ZNF487: variants seen among roughly 807,000 people sequenced by gnomAD.
ZNF487 encodes the protein KRAB domain only 1.
In ZNF487, 4 loss-of-function variants were observed where a neutral mutation model predicts 3.0. That is an observed-to-expected ratio of 1.35 (90% CI 0.66 to 3.08). The LOEUF (loss-of-function observed/expected upper bound fraction) is 3.08, where lower values mean the gene tolerates loss of function less well. ZNF487 is among the 30% of genes most tolerant of loss of function. The probability of loss-of-function intolerance (pLI) is 0.01; values close to 1 mark genes in which losing one functional copy is unlikely to be tolerated. For missense variants in ZNF487, 146 were observed against 98.7 expected (o/e 1.48, Z -2.03); for synonymous variants, 55 against 34.6 (o/e 1.59, Z -2.06).
At chr10:43,446,285 G>A (rs1368462681) in intron 1 of ZNF487, among the ~76,000 whole-genome samples, 4 of 150,210 alleles carry the variant, frequency 2.7e-5, no homozygotes, top group African/African-American at 9.8e-5. Context: ...CTCCCAGACG[G>A]GGTGGCTGCT....
At chr10:43,457,286 G>A (rs904455773) in intron 1 of ZNF487, among the ~76,000 whole-genome samples, 10 of 151,400 alleles carry the variant, frequency 6.6e-5, no homozygotes, top group African/African-American at 2.2e-4. Context: ...ACCCTAGCGC[G>A]GTGGCTAACG....
intron 1 of ZNF487, among the ~76,000 whole-genome samples, chr10:43,440,054 A>ATAT (rs201307017): frequency 6.8e-6 from 1 of 147,638 alleles, no homozygotes; most frequent in Non-Finnish European, 1.5e-5. Flanking sequence ...ATATATATAT[A>ATAT]TTTTTTTTTT....
At chr10:43,476,231 A>G (rs760912377) in intron 3 of ZNF487, 29 bp downstream of exon 3, 1 of 706,094 alleles carries the variant, frequency 1.4e-6, no homozygotes, top group Non-Finnish European at 2.6e-6. Flanking sequence ...AGGAAGCTAT[A>G]ATCCCAGGGA....
At chr10:43,504,293 C>CTTTTTTTTTTTT in the ZNF487 span, among the ~76,000 whole-genome samples, 12 of 108,942 alleles carry the variant, frequency 1.1e-4, no homozygotes, top group Admixed American at 2.3e-4. Flanking sequence ...TTCTTTCTTT[C>CTTTTTTTTTTTT]TTTTTTTTTT....
At chr10:43,516,303 G>A in the ZNF487 span, among the ~76,000 whole-genome samples, 2 of 152,156 alleles carry the variant, frequency 1.3e-5, no homozygotes, top group Non-Finnish European at 2.9e-5. Flanking sequence ...ACTATTAGAA[G>A]TAGAGTCCTT....
At chr10:43,499,232 C>T in the ZNF487 span, among the ~76,000 whole-genome samples, 110,554 of 152,010 alleles carry the variant, frequency 0.73, 41,502 homozygotes, top group East Asian at 0.93. Context: ...TTGAATCAGA[C>T]CCAAAAAGGG....
At chr10:43,479,073 GTATGTATGTGTGTATATA>G in intron 3 of ZNF487, among the ~76,000 whole-genome samples, 1 of 141,066 alleles carries the variant, frequency 7.1e-6, no homozygotes, top group Non-Finnish European at 1.5e-5. Context: ...ATATATGTAT[GTATGTATGTGTGTATATA>G]TATATACACA....
At chr10:43,477,674 G>A (rs1213713796) in intron 3 of ZNF487, among the ~76,000 whole-genome samples, 1 of 151,562 alleles carries the variant, frequency 6.6e-6, no homozygotes, top group African/African-American at 2.4e-5. Context: ...AAATGAGGTC[G>A]GGCTTGGTGG....
At chr10:43,497,478 T>C in the ZNF487 span, among the ~76,000 whole-genome samples, 1 of 152,162 alleles carries the variant, frequency 6.6e-6, no homozygotes, top group Non-Finnish European at 1.5e-5. Context: ...ACATGCCAGC[T>C]GAGGGGTGGC....
At chr10:43,454,894 C>T (rs931705336) in intron 1 of ZNF487, among the ~76,000 whole-genome samples, 1 of 146,278 alleles carries the variant, frequency 6.8e-6, no homozygotes, top group Admixed American at 6.9e-5. Context: ...GCCGTGACTG[C>T]GCCACTACAC....
the ZNF487 span, among the ~76,000 whole-genome samples, chr10:43,516,012 C>A: frequency 6.6e-6 from 1 of 152,090 alleles, no homozygotes; most frequent in African/African-American, 2.4e-5. Context: ...GATCTCCTGA[C>A]CTCGTGATCC....
intron 1 of ZNF487, among the ~76,000 whole-genome samples, chr10:43,450,603 G>C (rs1474807668): frequency 1.3e-5 from 2 of 152,160 alleles, no homozygotes; most frequent in African/African-American, 4.8e-5. Context: ...GCCCGCCTCG[G>C]CCTCCCAAAG....
chr10:43,470,369 A>G (rs1008498677), intron 1 of ZNF487, among the ~76,000 whole-genome samples: 11 of 151,276 alleles, frequency 7.3e-5, no homozygotes, highest in African/African-American at 2.7e-4. Flanking sequence ...GCATGCCACT[A>G]TGCCCAGCTA....
chr10:43,521,040 A>G, the ZNF487 span, among the ~76,000 whole-genome samples: 4 of 152,164 alleles, frequency 2.6e-5, no homozygotes, highest in East Asian at 7.7e-4. Context: ...AATCTGGGTA[A>G]GAACAGGGTG....
At chr10:43,446,159 C>T (rs1839789755) in intron 1 of ZNF487, among the ~76,000 whole-genome samples, 1 of 152,222 alleles carries the variant, frequency 6.6e-6, no homozygotes, top group Non-Finnish European at 1.5e-5. Flanking sequence ...AAACCGCCGT[C>T]GTCATCATGG....
chr10:43,521,043 A>C, the ZNF487 span, among the ~76,000 whole-genome samples: 1 of 152,166 alleles, frequency 6.6e-6, no homozygotes, highest in Non-Finnish European at 1.5e-5. Flanking sequence ...CTGGGTAAGA[A>C]CAGGGTGATA....
At chr10:43,465,650 C>T (rs1322133660) in intron 1 of ZNF487, among the ~76,000 whole-genome samples, 1 of 150,552 alleles carries the variant, frequency 6.6e-6, no homozygotes, top group Admixed American at 6.6e-5. Flanking sequence ...AAGAGGCGCT[C>T]CTCACTTCCT....
chr10:43,481,616 A>C lies in ZNF487; in HGVS notation c.318A>C (p.Gly106=). Residue 106 remains glycine (G), a synonymous_variant, in exon 4 of 4, where the codon GGA becomes GGC. Transcript: ENST00000437590. ...RKIRGNCDSS[G]MNLNNISELI... is the part of the protein sequence containing the mutation. ...TACGTGGCAACTGTGACTCATCTGG[A>C]ATGAATTTGAATAATATTTCAGAAT... 1.5e-6 allele frequency: 1 copy of C among 686,422 alleles called. No individual in the cohort carries two copies. Among genetic ancestry groups the C allele is most frequent in the South Asian group, 1.6e-5 (1 of 61,682 alleles). The allele number at this position is 686,422 out of a possible 1,614,324, so 42.5% of individuals were successfully genotyped here.
intron 1 of ZNF487, among the ~76,000 whole-genome samples, chr10:43,446,376 C>A (rs965523459): frequency 6.6e-6 from 1 of 150,506 alleles, no homozygotes; most frequent in African/African-American, 2.5e-5. Context: ...GGCTGCCAGG[C>A]GGAGAGGCTC....
Sources: allele counts gnomAD v4.1 joint callset (sites outside exome capture counted in the v4.1 genomes callset), GRCh38; gene constraint gnomAD v4.1.1; transcripts MANE v1.5; gene names NCBI Gene and HGNC (gene_info 2026-07-23, HGNC 2026-07-21).